Variants in FERRY3 observed in about 807,000 individuals in gnomAD.
The protein encoded by FERRY3 is FERRY endosomal RAB5 effector complex subunit 3.
chr12:4,513,097 A>G, the FERRY3 span, among the ~76,000 whole-genome samples: 3 of 55,768 alleles, frequency 5.4e-5, no homozygotes, highest in East Asian at 5.1e-4. Flanking sequence ...TACACCAACA[A>G]CAGACAAACA....
chr12:4,533,834 T>C, the FERRY3 span, among the ~76,000 whole-genome samples: 1 of 152,218 alleles, frequency 6.6e-6, no homozygotes, highest in African/African-American at 2.4e-5. Context: ...ATGTAATATG[T>C]TGATATACTA....
At chr12:4,514,981 G>A in the FERRY3 span, among the ~76,000 whole-genome samples, 1 of 152,084 alleles carries the variant, frequency 6.6e-6, no homozygotes, top group Non-Finnish European at 1.5e-5. Flanking sequence ...CTTAATGCTA[G>A]ATGACGAGTT....
At chr12:4,524,915 T>TTTTG in the FERRY3 span, 1 of 175,888 alleles carries the variant, frequency 5.7e-6, no homozygotes, top group Non-Finnish European at 1.2e-5. Context: ...CAGGGGTTTT[T>TTTTG]TTTGTTTGTT....
At chr12:4,522,532 ATG>A in the FERRY3 span, among the ~76,000 whole-genome samples, 1 of 152,254 alleles carries the variant, frequency 6.6e-6, no homozygotes, top group African/African-American at 2.4e-5. Context: ...TGATGAAGAT[ATG>A]GAACACCTGG....
chr12:4,530,016 C>A, the FERRY3 span: 1 of 1,613,008 alleles, frequency 6.2e-7, no homozygotes, highest in Non-Finnish European at 8.5e-7. Context: ...TTCATCCCAG[C>A]TGGGTTCTTC....
chr12:4,492,715 C>A, the FERRY3 span, among the ~76,000 whole-genome samples: 41 of 152,180 alleles, frequency 2.7e-4, no homozygotes, highest in African/African-American at 9.9e-4. Flanking sequence ...GGCTTCCTAT[C>A]TAGTGTCCTG....
the FERRY3 span, among the ~76,000 whole-genome samples, chr12:4,525,785 A>G: frequency 2.0e-5 from 3 of 152,216 alleles, no homozygotes; most frequent in African/African-American, 7.2e-5. Flanking sequence ...GTGTCATATA[A>G]TATCAACATC....
At chr12:4,494,859 A>G in the FERRY3 span, among the ~76,000 whole-genome samples, 3 of 152,200 alleles carry the variant, frequency 2.0e-5, no homozygotes, top group Non-Finnish European at 4.4e-5. Flanking sequence ...TCTCAAAATT[A>G]CCTTATAAGA....
At chr12:4,518,937 GGAAAGC>G in the FERRY3 span, 1 of 1,206,666 alleles carries the variant, frequency 8.3e-7, no homozygotes. Flanking sequence ...TTTTCTTAAA[GGAAAGC>G]TTTATAATGA....
chr12:4,492,435 A>C, the FERRY3 span, among the ~76,000 whole-genome samples: 1 of 152,200 alleles, frequency 6.6e-6, no homozygotes, highest in African/African-American at 2.4e-5. Context: ...CCAACTACTC[A>C]GTCTTTCATC....
the FERRY3 span, chr12:4,516,911 C>T: frequency 4.0e-6 from 3 of 755,938 alleles, no homozygotes; most frequent in Non-Finnish European, 5.5e-6. Context: ...TTTTGATGTT[C>T]TTTCTAAATA....
At chr12:4,528,896 TACACACACACACACACACACAC>T in the FERRY3 span, among the ~76,000 whole-genome samples, 42 of 131,616 alleles carry the variant, frequency 3.2e-4, no homozygotes, top group Non-Finnish European at 3.8e-4. Context: ...TTAAATCAGT[TACACACACACACACACACACAC>T]ACACACACAC....
the FERRY3 span, among the ~76,000 whole-genome samples, chr12:4,513,758 G>A: frequency 2.0e-5 from 3 of 152,132 alleles, no homozygotes; most frequent in Non-Finnish European, 4.4e-5. Flanking sequence ...ATGGATTAAA[G>A]ATTTAAACGT....
the FERRY3 span, among the ~76,000 whole-genome samples, chr12:4,493,787 G>C: frequency 1.3e-5 from 2 of 152,206 alleles, no homozygotes; most frequent in South Asian, 4.1e-4. Context: ...GAGAGAACGA[G>C]GTGACTAAGA....
chr12:4,487,765 T>G, the FERRY3 span: 1 of 152,198 alleles, frequency 6.6e-6, no homozygotes, highest in Non-Finnish European at 1.5e-5. Context: ...TTGTATTTTT[T>G]TTCAGAATAT....
chr12:4,516,487 G>A, the FERRY3 span, among the ~76,000 whole-genome samples: 11 of 152,112 alleles, frequency 7.2e-5, no homozygotes, highest in Non-Finnish European at 1.2e-4. Context: ...ATGATAGACT[G>A]GATAAAGAAA....
the FERRY3 span, among the ~76,000 whole-genome samples, chr12:4,527,042 T>C: frequency 6.6e-6 from 1 of 152,230 alleles, no homozygotes; most frequent in African/African-American, 2.4e-5. Context: ...ATGGGTCAAA[T>C]GAAAATTATG....
At chr12:4,532,588 G>C in the FERRY3 span, among the ~76,000 whole-genome samples, 5 of 152,126 alleles carry the variant, frequency 3.3e-5, no homozygotes, top group African/African-American at 1.2e-4. Context: ...CAGAAACTCA[G>C]TCCGTCAGTA....
the FERRY3 span, among the ~76,000 whole-genome samples, chr12:4,527,867 CAATAA>C: frequency 4.0e-5 from 6 of 150,080 alleles, no homozygotes; most frequent in African/African-American, 7.4e-5. Flanking sequence ...TGATTTCAAA[CAATAA>C]AATAAGTCAA....
Sources: allele counts gnomAD v4.1 joint callset (sites outside exome capture counted in the v4.1 genomes callset), GRCh38; gene constraint gnomAD v4.1.1; transcripts MANE v1.5; gene names NCBI Gene and HGNC (gene_info 2026-07-23, HGNC 2026-07-21).